Variants in WDR11 observed in about 807,000 individuals in gnomAD.
The protein encoded by WDR11 is WD repeat domain 11.
Under a neutral mutation model 151.2 loss-of-function variants are expected in WDR11, and 83 were observed. That is an observed-to-expected ratio of 0.55 (90% CI 0.46 to 0.66). WDR11 has a LOEUF of 0.66. WDR11 is among the 30% of genes least tolerant of loss of function. The pLI is 0.00. For missense variants in WDR11, 1,301 were observed against 1,480.9 expected (o/e 0.88, Z 1.99); for synonymous variants, 484 against 533.1 (o/e 0.91, Z 1.27).
chr10:120,893,352 C>A (rs61320966), intron 19 of WDR11, among the ~76,000 whole-genome samples: 40,209 of 151,940 alleles, frequency 0.26, 5,880 homozygotes, highest in African/African-American at 0.38. Flanking sequence ...ACTCATCATT[C>A]TTTATGGCTG....
At chr10:120,871,144 T>C (rs200895724) in intron 9 of WDR11, 26 bp from the exon 10 acceptor site, 4 of 1,611,042 alleles carry the variant, frequency 2.5e-6, no homozygotes, top group African/African-American at 2.7e-5. Context: ...GTAGTTAATA[T>C]ATTTGTTATT....
At position 120,904,828 on chromosome 10, in the gene WDR11, AT is replaced by A. The variant is rs766730831; in HGVS notation, c.3193+18del. ...AATTGGCAGGTAAGGCACACTTGAT[AT>A]GTTTGTCATCTCTCTGAAAAATGAG... On this transcript the variant is annotated intron_variant, in intron 25 of 28. Coordinates refer to ENST00000263461, the MANE Select transcript of WDR11 (RefSeq NM_018117.12). 2.2e-5 allele frequency: 35 copies of A among 1,614,096 alleles called. No individual in the cohort carries two copies. In the African/African-American group the frequency reaches 4.7e-4, roughly 22 times the overall value.
At position 120,902,237 on chromosome 10, in the gene WDR11, T is replaced by G. The variant is rs750267130; in HGVS notation, c.2688-20T>G. ...TGATTGAAAACTTTTGTCTCACTTT[T>G]GTCCGGATTTCTTCCACAGTGACAT... On this transcript the variant is annotated intron_variant, in intron 21 of 28. Transcript: ENST00000263461. The G allele has an allele frequency of 2.5e-6, 4 of 1,612,928 alleles. No individual in the cohort carries two copies. The highest frequency in any genetic ancestry group is 1.7e-5 in the Admixed American group (1 of 60,016).
chr10:120,858,720 TG>T lies in WDR11; in HGVS notation c.279del (p.Lys94ArgfsTer7). 1 of 1,614,188 alleles carries T rather than the reference TG, an allele frequency of 6.2e-7. No homozygotes were observed. The highest frequency in any genetic ancestry group is 8.5e-7 in the Non-Finnish European group (1 of 1,180,034). On this transcript the variant is annotated frameshift_variant, in exon 3 of 29. Transcript: ENST00000263461. LOFTEE classifies it high-confidence loss of function. ...TACGGTTAGCTTCTGCTGATGTCAATGGGAAGATCATCGTCTGGGATGTAGC... is the reference window on the plus strand; with the variant it reads ...TACGGTTAGCTTCTGCTGATGTCAATGGAAGATCATCGTCTGGGATGTAGC... ...CLRLASADVN[G>X]KIIVWDVAAG...
At chr10:120,906,669 T>A in intron 27 of WDR11, 107 bp from the exon 28 acceptor site, 9 of 1,598,772 alleles carry the variant, frequency 5.6e-6, no homozygotes, top group Non-Finnish European at 7.7e-6. Flanking sequence ...TAATGCAGTA[T>A]GCAGGTTTCC....
At chr10:120,899,370 A>G (rs1847729238) in intron 19 of WDR11, among the ~76,000 whole-genome samples, 7 of 152,182 alleles carry the variant, frequency 4.6e-5, no homozygotes, top group South Asian at 4.1e-4. Context: ...ACAGGTAAAT[A>G]TATTTATTTT....
At chr10:120,892,351 A>C (rs1218039473) in intron 19 of WDR11, among the ~76,000 whole-genome samples, 2 of 152,200 alleles carry the variant, frequency 1.3e-5, no homozygotes, top group Non-Finnish European at 2.9e-5. Flanking sequence ...AGCCAGAAAG[A>C]GAAAACTAAA....
chr10:120,904,546 G>T, intron 24 of WDR11, 100 bp from the exon 25 acceptor site: 3 of 1,425,110 alleles, frequency 2.1e-6, no homozygotes, highest in Non-Finnish European at 2.9e-6. Flanking sequence ...TGCATTTTTT[G>T]AAAATGAGTG....
rs758858568 is a variant in WDR11 at position 120,905,997 on chromosome 10, T to C, written c.3413T>C (p.Phe1138Ser). The change falls in exon 27 of 29, where the codon TTT becomes TCT. Residue 1138 changes from phenylalanine to serine, a missense_variant. By Grantham distance (155) the Phe-to-Ser change is radical. Around this residue, in one of 3 missense-constraint regions of WDR11, gnomAD observed 589 missense variants for 670.6 expected, o/e 0.88. Coordinates refer to ENST00000263461, the MANE Select transcript of WDR11 (RefSeq NM_018117.12). ...GTTCTCCTCTCTCTGGGCTGCTTTT[T>C]TAGCGTGGCAGAGACGCTTCACAGG... is the stretch of plus-strand genomic sequence containing the variant. ...LLVLLSLGCFFSVAETLHSMR... is the reference protein window; with the variant it reads ...LLVLLSLGCFSSVAETLHSMR... 1.9e-6 allele frequency: 3 copies of C among 1,614,004 alleles called. No homozygotes were observed. In the Admixed American group the frequency reaches 5.0e-5, roughly 27 times the overall value.
intron 2 of WDR11, among the ~76,000 whole-genome samples, chr10:120,855,448 G>A (rs942130316): frequency 2.0e-5 from 3 of 151,886 alleles, no homozygotes; most frequent in Admixed American, 6.6e-5. Flanking sequence ...CAATTTGTGG[G>A]TTGTCTTTTT....
At position 120,886,680 on chromosome 10, in the gene WDR11, A is replaced by C. The variant is rs1847231612; in HGVS notation, c.1974-9A>C. The C allele has an allele frequency of 1.9e-6, 3 of 1,613,234 alleles. No homozygotes were observed. Among genetic ancestry groups the C allele is most frequent in the East Asian group, 2.2e-5 (1 of 44,842 alleles). ...AAACATCTTTATCATATGTTTCACT[A>C]TCCCAAAGCTTGCTGCAGGAGGCAG... On this transcript the variant is annotated splice_polypyrimidine_tract_variant and intron_variant, in intron 15 of 28. Coordinates refer to ENST00000263461, the MANE Select transcript of WDR11 (RefSeq NM_018117.12).
At chr10:120,868,801 G>A (rs536822760) in intron 9 of WDR11, 3 of 152,052 alleles carry the variant, frequency 2.0e-5, no homozygotes, top group Admixed American at 6.5e-5. Flanking sequence ...GTTTTTTCAC[G>A]ATTTCTGCCA....
chr10:120,880,777 T>A, intron 12 of WDR11, 49 bp from the exon 13 acceptor site: 2 of 1,506,306 alleles, frequency 1.3e-6, no homozygotes, highest in Non-Finnish European at 1.8e-6. Flanking sequence ...TTGTTTTTCA[T>A]ACATGTTTTA....
chr10:120,878,493 A>G, intron 12 of WDR11, 34 bp downstream of exon 12: 5 of 1,533,766 alleles, frequency 3.3e-6, no homozygotes, highest in Non-Finnish European at 4.5e-6. Flanking sequence ...GGTTTGTCAT[A>G]TTGAATAAAC....
In WDR11 at chr10:120,875,552, T is replaced by C. The variant is rs147016350; in HGVS notation, c.1556+1629T>C. 5.1e-3 allele frequency among the ~76,000 whole-genome samples: 779 copies of C among 152,350 alleles called. 34 individuals are homozygous for C. The East Asian group carries it at 0.096, about 19-fold the overall frequency. On this transcript the variant is annotated intron_variant, in intron 11 of 28. Coordinates refer to ENST00000263461, the MANE Select transcript of WDR11 (RefSeq NM_018117.12). Reference sequence around the variant, plus strand: ...TACAGTCTTACTCTGTCACCCAGGCTAGAGTGCAATGGCGCGATCTCAGCT... The same window carrying C: ...TACAGTCTTACTCTGTCACCCAGGCCAGAGTGCAATGGCGCGATCTCAGCT...
intron 21 of WDR11, 143 bp from the exon 22 acceptor site, chr10:120,902,114 A>G (rs1847847825): frequency 2.7e-6 from 2 of 746,540 alleles, no homozygotes; most frequent in Admixed American, 2.1e-5. Context: ...TTTCAGGGTC[A>G]TGGTAAAGTA....
At chr10:120,861,743 A>G (rs1846147485) in intron 4 of WDR11, among the ~76,000 whole-genome samples, 1 of 152,102 alleles carries the variant, frequency 6.6e-6, no homozygotes, top group Non-Finnish European at 1.5e-5. Flanking sequence ...CCAGGGTAGT[A>G]AGGTTTTTCT....
chr10:120,853,979 T>G (rs1271380166), intron 2 of WDR11, among the ~76,000 whole-genome samples: 1 of 152,186 alleles, frequency 6.6e-6, no homozygotes, highest in Non-Finnish European at 1.5e-5. Context: ...CTTTAGGAGA[T>G]AGGTCAGGAT....
chr10:120,897,687 A>G (rs10788126), intron 19 of WDR11, among the ~76,000 whole-genome samples: 98,884 of 151,984 alleles, frequency 0.65, 33,036 homozygotes, highest in African/African-American at 0.81. Context: ...AAAAGGTCAC[A>G]TAAGGCCAAA....
Sources: allele counts gnomAD v4.1 joint callset (sites outside exome capture counted in the v4.1 genomes callset), GRCh38; gene constraint gnomAD v4.1.1; regional missense constraint gnomAD v4.1.1; transcripts MANE v1.5; gene names NCBI Gene and HGNC (gene_info 2026-07-23, HGNC 2026-07-21).